The following FGF12 variants were observed in gnomAD, a reference collection of about 807,000 sequenced individuals.
The protein encoded by FGF12 is fibroblast growth factor 12.
A neutral mutation model predicts 23.6 loss-of-function variants in FGF12; 14 were observed. The observed-to-expected ratio is 0.59, with a 90% CI of 0.39 to 0.93. The LOEUF (loss-of-function observed/expected upper bound fraction) is 0.93. Ranked by LOEUF, FGF12 falls within the 40% of genes least tolerant of loss-of-function variation. The probability of loss-of-function intolerance (pLI) is 0.00; values close to 1 mark genes in which losing one functional copy is unlikely to be tolerated. For synonymous variants in FGF12, 62 were observed against 77.3 expected (o/e 0.80, Z 1.04); for missense variants, 175 against 217.8 (o/e 0.80, Z 1.24).
intron 2 of FGF12, among the ~76,000 whole-genome samples, chr3:192,638,919 C>G (rs1199404871): frequency 1.3e-5 from 2 of 152,234 alleles, no homozygotes; most frequent in Non-Finnish European, 2.9e-5. Context: ...CCAAGGCAAA[C>G]TGAACCCTAA....
chr3:192,247,079 AG>A (rs1235679559), intron 4 of FGF12, among the ~76,000 whole-genome samples: 1 of 148,226 alleles, frequency 6.7e-6, no homozygotes, highest in Non-Finnish European at 1.5e-5. Flanking sequence ...GAAGGAAGGA[AG>A]GAAGGAAGGA....
In FGF12 at chr3:192,148,409, C is replaced by T. The variant is rs1259792076; in HGVS notation, c.428-4282G>A. ...GTGAGATACCCAGAGTAGTCAAGTT[C>T]ACAGAGGCAAAAAATAGAACTGTAC... On this transcript the variant is annotated intron_variant, in intron 5 of 5. Coordinates refer to ENST00000445105, the MANE Select transcript of FGF12 (RefSeq NM_004113.6). Among the ~76,000 whole-genome samples, 6 of 152,204 alleles carry T rather than the reference C, an allele frequency of 3.9e-5. No homozygotes were observed. In the East Asian group the frequency reaches 9.7e-4, roughly 25 times the overall value.
chr3:192,167,857 T>A (rs1354702336), intron 5 of FGF12, among the ~76,000 whole-genome samples: 1 of 142,656 alleles, frequency 7.0e-6, no homozygotes, highest in African/African-American at 2.6e-5. Flanking sequence ...CTCACTGCAA[T>A]CTCCACCTCC....
intron 2 of FGF12, among the ~76,000 whole-genome samples, chr3:192,418,592 G>A (rs1721426282): frequency 6.6e-6 from 1 of 152,142 alleles, no homozygotes. Context: ...ATGTTGAATT[G>A]TAATCCCAGT....
At chr3:192,301,258 C>A (rs529756423) in intron 4 of FGF12, among the ~76,000 whole-genome samples, 3 of 152,252 alleles carry the variant, frequency 2.0e-5, no homozygotes, top group Admixed American at 1.3e-4. Flanking sequence ...AGAAATCATT[C>A]CAAGACAAGC....
chr3:192,589,940 G>A (rs1054417887), intron 2 of FGF12, among the ~76,000 whole-genome samples: 1 of 151,894 alleles, frequency 6.6e-6, no homozygotes, highest in Non-Finnish European at 1.5e-5. Flanking sequence ...GCACCTGTGA[G>A]AGAAACTCTT....
At chr3:192,375,840 GA>G (rs66633408) in intron 2 of FGF12, among the ~76,000 whole-genome samples, 1 of 151,960 alleles carries the variant, frequency 6.6e-6, no homozygotes, top group African/African-American at 2.4e-5. Flanking sequence ...CAGCATTCTG[GA>G]AAAAAATTTC....
At chr3:192,624,735 T>G (rs192370090) in intron 2 of FGF12, among the ~76,000 whole-genome samples, 1 of 152,176 alleles carries the variant, frequency 6.6e-6, no homozygotes, top group Non-Finnish European at 1.5e-5. Context: ...ATTATGTGTG[T>G]ATACAATGAT....
intron 2 of FGF12, among the ~76,000 whole-genome samples, chr3:192,441,461 G>T (rs1307628158): frequency 6.6e-6 from 1 of 152,102 alleles, no homozygotes; most frequent in Non-Finnish European, 1.5e-5. Flanking sequence ...TTCCTTCCCT[G>T]TAACGCCTCT....
intron 4 of FGF12, among the ~76,000 whole-genome samples, chr3:192,274,681 A>G (rs1053661334): frequency 1.3e-5 from 2 of 152,216 alleles, no homozygotes; most frequent in Non-Finnish European, 2.9e-5. Flanking sequence ...AGCCAATAAT[A>G]TGTGAATACT....
At chr3:192,375,307 A>G (rs1041130914) in intron 2 of FGF12, among the ~76,000 whole-genome samples, 5 of 151,860 alleles carry the variant, frequency 3.3e-5, no homozygotes, top group Non-Finnish European at 7.4e-5. Context: ...TTGCTTCATT[A>G]TTTTATCCTT....
At chr3:192,334,754 G>A (rs1717307527) in intron 4 of FGF12, among the ~76,000 whole-genome samples, 1 of 152,030 alleles carries the variant, frequency 6.6e-6, no homozygotes, top group Admixed American at 6.6e-5. Context: ...AGCCAATGAA[G>A]GTAGATAATT....
intron 2 of FGF12, among the ~76,000 whole-genome samples, chr3:192,434,342 GA>G (rs1721952251): frequency 6.6e-6 from 1 of 152,126 alleles, no homozygotes; most frequent in African/African-American, 2.4e-5. Flanking sequence ...GCTCTTTGTG[GA>G]ATAAGAAAAA....
intron 4 of FGF12, among the ~76,000 whole-genome samples, chr3:192,216,533 T>A (rs1718202186): frequency 6.6e-6 from 1 of 152,180 alleles, no homozygotes; most frequent in African/African-American, 2.4e-5. Context: ...TTATATAAAA[T>A]TTTTTATAAC....
intron 2 of FGF12, among the ~76,000 whole-genome samples, chr3:192,671,236 A>C (rs1190251762): frequency 6.6e-6 from 1 of 152,184 alleles, no homozygotes; most frequent in Non-Finnish European, 1.5e-5. Flanking sequence ...ATTAAAAGAG[A>C]GTGATGTGAT....
chr3:192,256,484 T>A (rs1019930374), intron 4 of FGF12, among the ~76,000 whole-genome samples: 4 of 151,612 alleles, frequency 2.6e-5, no homozygotes, highest in Non-Finnish European at 4.4e-5. Flanking sequence ...TATATATTTA[T>A]ATATTTTAAG....
chr3:192,491,813 T>A (rs1723811082), intron 2 of FGF12, among the ~76,000 whole-genome samples: 1 of 152,142 alleles, frequency 6.6e-6, no homozygotes, highest in African/African-American at 2.4e-5. Context: ...CAAGGCTTCT[T>A]AGAGCTGGAG....
At chr3:192,616,240 A>G (rs1714750858) in intron 2 of FGF12, among the ~76,000 whole-genome samples, 1 of 152,156 alleles carries the variant, frequency 6.6e-6, no homozygotes, top group South Asian at 2.1e-4. Context: ...TTTCAAAATC[A>G]CTTATGGTTT....
chr3:192,582,380 T>C (rs940379748), intron 2 of FGF12, among the ~76,000 whole-genome samples: 2 of 152,154 alleles, frequency 1.3e-5, no homozygotes, highest in Non-Finnish European at 2.9e-5. Flanking sequence ...GTTTGTATCT[T>C]TATCACGTTC....
Sources: gnomAD v4.1 joint callset for allele counts (sites outside exome capture counted in the v4.1 genomes callset) on GRCh38, gnomAD v4.1.1 for gene constraint, MANE v1.5 for transcripts, NCBI Gene and HGNC (gene_info 2026-07-23, HGNC 2026-07-21) for gene names.